The following ANO10 variants were observed in gnomAD, a reference collection of about 807,000 sequenced individuals.
ANO10 encodes the protein anoctamin-10.
In ANO10, 77 loss-of-function variants were observed where a neutral mutation model predicts 74.7. The observed-to-expected ratio is 1.03, with a 90% CI of 0.86 to 1.25. The LOEUF (loss-of-function observed/expected upper bound fraction) is 1.25, where lower values mean the gene tolerates loss of function less well. ANO10 is among the 50% of genes most tolerant of loss of function. ANO10 has a pLI of 0.00. For missense variants in ANO10, 721 were observed against 778.1 expected (o/e 0.93, Z 0.87); for synonymous variants, 279 against 284.9 (o/e 0.98, Z 0.21).
chr3:43,667,878 A>C (rs1006700176), intron 1 of ANO10, among the ~76,000 whole-genome samples: 1 of 152,118 alleles, frequency 6.6e-6, no homozygotes, highest in Non-Finnish European at 1.5e-5. Flanking sequence ...ACATCTTTAC[A>C]ATTGCCAATC....
chr3:43,682,778 A>T (rs1367135154), intron 1 of ANO10, among the ~76,000 whole-genome samples: 1 of 152,250 alleles, frequency 6.6e-6, no homozygotes. Context: ...AGTTCAACAT[A>T]CGCAAATCAA....
At chr3:43,425,454 A>C (rs141200568) in intron 12 of ANO10, among the ~76,000 whole-genome samples, 14 of 152,168 alleles carry the variant, frequency 9.2e-5, no homozygotes, top group Non-Finnish European at 1.8e-4. Context: ...TGAATACTTA[A>C]ATATAAACCA....
At chr3:43,557,506 CG>C (rs767447020) in intron 9 of ANO10, among the ~76,000 whole-genome samples, 98 of 151,488 alleles carry the variant, frequency 6.5e-4, no homozygotes, top group Non-Finnish European at 1.1e-3. Flanking sequence ...GAGGCCGAGG[CG>C]GGTGGATCAC....
At chr3:43,642,843 A>T (rs2083683914) in intron 1 of ANO10, among the ~76,000 whole-genome samples, 1 of 141,622 alleles carries the variant, frequency 7.1e-6, no homozygotes, top group South Asian at 2.2e-4. Context: ...CAATTCACAG[A>T]CATTTTTTTT....
intron 1 of ANO10, among the ~76,000 whole-genome samples, chr3:43,679,692 G>C (rs2084169310): frequency 6.6e-6 from 1 of 152,316 alleles, no homozygotes; most frequent in South Asian, 2.1e-4. Context: ...GCATCCCCCA[G>C]TAGGGGCAGA....
intron 1 of ANO10, among the ~76,000 whole-genome samples, chr3:43,672,216 T>C (rs2084068174): frequency 1.3e-5 from 2 of 152,178 alleles, no homozygotes; most frequent in African/African-American, 4.8e-5. Flanking sequence ...CGATTTGTGC[T>C]GCATACTTCA....
intron 4 of ANO10, among the ~76,000 whole-genome samples, chr3:43,585,649 T>C (rs72865102): frequency 0.11 from 16,268 of 152,184 alleles, 1,471 homozygotes; most frequent in African/African-American, 0.24. Flanking sequence ...GTGGAAGCCG[T>C]GATTTCCACA....
At chr3:43,405,181 T>G (rs1242108680) in intron 12 of ANO10, among the ~76,000 whole-genome samples, 2 of 152,222 alleles carry the variant, frequency 1.3e-5, no homozygotes, top group Non-Finnish European at 2.9e-5. Context: ...GGCAAATTAT[T>G]CCTAGTTCTG....
At chr3:43,473,152 T>C (rs2075929773) in intron 11 of ANO10, among the ~76,000 whole-genome samples, 1 of 142,906 alleles carries the variant, frequency 7.0e-6, no homozygotes, top group African/African-American at 2.5e-5. Context: ...TGGTCCAAAA[T>C]GTCTTTTTTT....
chr3:43,606,476 A>G (rs978440409), intron 1 of ANO10, among the ~76,000 whole-genome samples: 2 of 152,094 alleles, frequency 1.3e-5, no homozygotes, highest in African/African-American at 4.8e-5. Context: ...TGTAGTCGGT[A>G]GGGAGCTATT....
intron 12 of ANO10, 60 bp downstream of exon 12, chr3:43,432,551 A>T: frequency 7.3e-7 from 1 of 1,360,552 alleles, no homozygotes; most frequent in Non-Finnish European, 1.1e-6. Flanking sequence ...GATTCTTCTG[A>T]ATTATTTTTC....
chr3:43,405,281 G>A (rs1297625893), intron 12 of ANO10, among the ~76,000 whole-genome samples: 13 of 152,142 alleles, frequency 8.5e-5, no homozygotes, highest in Admixed American at 8.5e-4. Context: ...GAATTCTGGG[G>A]CAAGAGGGTG....
chr3:43,461,657 G>A (rs181996669), intron 11 of ANO10, among the ~76,000 whole-genome samples: 9 of 152,332 alleles, frequency 5.9e-5, no homozygotes, highest in East Asian at 1.9e-4. Flanking sequence ...CATGTAAGAC[G>A]TGACTTGCTC....
At chr3:43,411,766 G>T (rs1559519704) in intron 12 of ANO10, among the ~76,000 whole-genome samples, 1 of 152,070 alleles carries the variant, frequency 6.6e-6, no homozygotes, top group South Asian at 2.1e-4. Flanking sequence ...TGTATTTTGG[G>T]GCTCAGGAAC....
chr3:43,437,559 G>C (rs2093088183), intron 11 of ANO10, among the ~76,000 whole-genome samples: 1 of 152,196 alleles, frequency 6.6e-6, no homozygotes, highest in Admixed American at 6.5e-5. Context: ...TGCCTAGGGA[G>C]TGCTGAGAAT....
chr3:43,389,908 G>GAACAA (rs745544630), intron 12 of ANO10, among the ~76,000 whole-genome samples: 146 of 152,190 alleles, frequency 9.6e-4, no homozygotes, highest in Non-Finnish European at 1.2e-3. Flanking sequence ...GACGGAAATG[G>GAACAA]AACAAAACAA....
At chr3:43,406,576 A>G (rs1028234397) in intron 12 of ANO10, among the ~76,000 whole-genome samples, 3 of 152,266 alleles carry the variant, frequency 2.0e-5, no homozygotes, top group Admixed American at 2.0e-4. Context: ...AACACCAGTT[A>G]TGAATGGCTT....
intron 1 of ANO10, among the ~76,000 whole-genome samples, chr3:43,609,012 T>C (rs77513374): frequency 0.039 from 5,947 of 152,302 alleles, 163 homozygotes; most frequent in Non-Finnish European, 0.058. Context: ...ATTTCCTCTT[T>C]ACTAAATTTC....
chr3:43,520,038 C>T (rs2077880596), intron 11 of ANO10, among the ~76,000 whole-genome samples: 1 of 152,114 alleles, frequency 6.6e-6, no homozygotes, highest in Non-Finnish European at 1.5e-5. Context: ...GGGCACAGAG[C>T]TGGACCACAT....
Sources: gnomAD v4.1 joint callset for allele counts (sites outside exome capture counted in the v4.1 genomes callset) on GRCh38, gnomAD v4.1.1 for gene constraint, MANE v1.5 for transcripts, NCBI Gene and HGNC (gene_info 2026-07-23, HGNC 2026-07-21) for gene names.